The following DAAM1 variants were observed in gnomAD, a reference collection of about 807,000 sequenced individuals.
DAAM1 encodes disheveled-associated activator of morphogenesis 1.
DAAM1 carries 52 observed loss-of-function variants against 130.0 expected under a neutral mutation model. The ratio of observed to expected loss-of-function variants is 0.40; its 90% CI spans 0.32 to 0.50. The LOEUF is 0.50. Among genes scored for constraint, DAAM1 ranks in the 20% least tolerant of loss-of-function variants. The pLI is 0.61. For synonymous variants in DAAM1, 452 were observed against 444.5 expected (o/e 1.02, Z -0.21); for missense variants, 1,134 against 1,303.8 (o/e 0.87, Z 2.01).
intron 1 of DAAM1, among the ~76,000 whole-genome samples, chr14:59,213,843 G>T (rs1484224559): frequency 6.6e-6 from 1 of 152,172 alleles, no homozygotes; most frequent in Admixed American, 6.5e-5. Flanking sequence ...CTTCCCTGTT[G>T]TGTTTGTGAC....
At chr14:59,221,430 A>G (rs79059243) in intron 1 of DAAM1, among the ~76,000 whole-genome samples, 9,176 of 152,296 alleles carry the variant, frequency 0.06, 382 homozygotes, top group Non-Finnish European at 0.09. Context: ...CACAGATGGT[A>G]TCATAACTAG....
intron 1 of DAAM1, among the ~76,000 whole-genome samples, chr14:59,195,158 T>G (rs1887845795): frequency 6.7e-6 from 1 of 149,266 alleles, no homozygotes; most frequent in Non-Finnish European, 1.5e-5. Flanking sequence ...TTTTTTTTTT[T>G]TTTTTGAGAC....
intron 1 of DAAM1, among the ~76,000 whole-genome samples, chr14:59,191,960 T>G (rs1306779611): frequency 1.3e-5 from 2 of 152,220 alleles, no homozygotes; most frequent in East Asian, 3.8e-4. Context: ...TTGTAACATG[T>G]TACCATCCAG....
chr14:59,210,410 T>C (rs1414322065), intron 1 of DAAM1, among the ~76,000 whole-genome samples: 2 of 152,230 alleles, frequency 1.3e-5, no homozygotes, highest in Non-Finnish European at 2.9e-5. Flanking sequence ...CGAATTTATC[T>C]GTTTAAATCT....
intron 2 of DAAM1, among the ~76,000 whole-genome samples, chr14:59,288,256 A>G (rs1165159105): frequency 1.3e-5 from 2 of 152,188 alleles, no homozygotes; most frequent in African/African-American, 2.4e-5. Flanking sequence ...TCTTTCACAT[A>G]AGCAAAAATT....
At chr14:59,275,344 A>G (rs980736626) in intron 2 of DAAM1, among the ~76,000 whole-genome samples, 1 of 152,196 alleles carries the variant, frequency 6.6e-6, no homozygotes, top group Admixed American at 6.5e-5. Context: ...ACTAGGTTTA[A>G]TAGCTGGGTG....
At chr14:59,226,159 G>A (rs1473057471) in intron 1 of DAAM1, among the ~76,000 whole-genome samples, 1 of 152,080 alleles carries the variant, frequency 6.6e-6, no homozygotes, top group Non-Finnish European at 1.5e-5. Context: ...GCATTTGGTA[G>A]AATATCCCCT....
intron 23 of DAAM1, among the ~76,000 whole-genome samples, chr14:59,366,919 T>TA (rs377198440): frequency 0.39 from 56,587 of 144,076 alleles, 12,681 homozygotes; most frequent in East Asian, 0.84. Context: ...CCCCATCTAT[T>TA]AAAAAAAAAA....
Position 59,368,263 on chromosome 14 carries a change from C to T in DAAM1, c.2998-387C>T, listed in dbSNP as rs1349416038. 2.0e-5 allele frequency among the ~76,000 whole-genome samples: 3 copies of T among 151,948 alleles called. No homozygotes were observed. In the East Asian group the frequency reaches 5.8e-4, roughly 29 times the overall value. On this transcript the variant is annotated intron_variant, in intron 24 of 24. Coordinates refer to ENST00000360909, the MANE Select transcript of DAAM1 (RefSeq NM_001270520.2). ...GCTTCCACAGTAGACACAAGCTAAG[C>T]CTTTGATATAAGGAAAATGGCCTGA...
intron 2 of DAAM1, chr14:59,264,857 T>C (rs1444631822): frequency 2.0e-5 from 3 of 152,158 alleles, no homozygotes; most frequent in Non-Finnish European, 2.9e-5. Context: ...GTGTGTGTTG[T>C]TTCCCCCCAT....
intron 17 of DAAM1, among the ~76,000 whole-genome samples, chr14:59,352,317 C>G (rs1488781754): frequency 6.6e-6 from 1 of 152,104 alleles, no homozygotes; most frequent in Non-Finnish European, 1.5e-5. Context: ...CAGAAAGGTG[C>G]CAGGAATGAA....
In DAAM1 at chr14:59,330,577, G is replaced by A. The variant is rs776482940; in HGVS notation, c.1449G>A (p.Met483Ile). The change falls in exon 13 of 25, where the codon ATG becomes ATA. Residue 483 changes from methionine (M) to isoleucine (I), a missense_variant. Around this residue, in one of 3 missense-constraint regions of DAAM1, gnomAD observed 391 missense variants for 521.6 expected, o/e 0.75. Coordinates refer to ENST00000360909, the MANE Select transcript of DAAM1 (RefSeq NM_001270520.2). Reference protein sequence around the residue: ...CDAKTQEKEEMMQTLNKMKEK... With the variant: ...CDAKTQEKEEIMQTLNKMKEK... ...CTAAGACTCAAGAGAAGGAAGAGAT[G>A]ATGCAGACCTTAAATAAAATGAAAG... 6.2e-7 allele frequency: 1 copy of A among 1,614,004 alleles called. No homozygotes were observed. The highest frequency in any genetic ancestry group is 1.1e-5 in the South Asian group (1 of 91,054).
At chr14:59,358,416 GTTGC>G (rs1460100461) in intron 20 of DAAM1, among the ~76,000 whole-genome samples, 1 of 152,212 alleles carries the variant, frequency 6.6e-6, no homozygotes, top group Non-Finnish European at 1.5e-5. Context: ...GAGCTGAAGT[GTTGC>G]TAAATTAGGA....
intron 2 of DAAM1, among the ~76,000 whole-genome samples, chr14:59,266,807 G>T (rs779132794): frequency 2.6e-4 from 39 of 152,336 alleles, no homozygotes; most frequent in Non-Finnish European, 5.0e-4. Flanking sequence ...GCCACATGTG[G>T]TGGTGGACAG....
intron 16 of DAAM1, among the ~76,000 whole-genome samples, chr14:59,347,205 C>T (rs1232434950): frequency 3.3e-5 from 5 of 152,150 alleles, no homozygotes; most frequent in African/African-American, 9.7e-5. Context: ...TCTGTCCTCC[C>T]GCCTGCAGTT....
rs1218668899 is a variant in DAAM1, at chr14:59,370,098, A to ATATC, written c.*1240_*1243dup. On this transcript the variant is annotated 3_prime_UTR_variant, in exon 25 of 25. Coordinates refer to ENST00000360909, the MANE Select transcript of DAAM1 (RefSeq NM_001270520.2). The stretch of plus-strand genomic sequence containing the variant: ...CTTACCATTAACCTACCAACTCTTA[A>ATATC]TATCCTTAAATTATGTGATATATAA... 3 of 150,360 alleles carry ATATC rather than the reference A, an allele frequency of 2.0e-5. No homozygotes were observed. The highest frequency in any genetic ancestry group is 4.4e-5 in the Non-Finnish European group (3 of 67,676). The allele number at this position is 150,360 out of a possible 1,614,324, so 9.3% of individuals were successfully genotyped here.
rs758654559 is a variant in DAAM1, at chr14:59,352,615, C to T, written c.2250C>T (p.Phe750=). ...ELDRMAKADR[F]LFEMSRINHY... is the part of the protein sequence containing the mutation. ...ATCGGATGGCCAAGGCTGATAGGTTCCTTTTTGAGATGAGCCGGTGAGTTT... is the reference window on the plus strand; with the variant it reads ...ATCGGATGGCCAAGGCTGATAGGTTTCTTTTTGAGATGAGCCGGTGAGTTT... Residue 750 remains phenylalanine (F), a synonymous_variant, in exon 18 of 25, where the codon TTC becomes TTT. Coordinates refer to ENST00000360909, the MANE Select transcript of DAAM1 (RefSeq NM_001270520.2). 1.2e-6 allele frequency: 2 copies of T among 1,612,844 alleles called. No individual in the cohort carries two copies. The highest frequency in any genetic ancestry group is 1.1e-5 in the South Asian group (1 of 90,660).
intron 2 of DAAM1, among the ~76,000 whole-genome samples, chr14:59,289,018 C>T (rs926207027): frequency 1.3e-5 from 2 of 152,112 alleles, no homozygotes; most frequent in African/African-American, 2.4e-5. Flanking sequence ...CAGGTTCAAG[C>T]GATTCTCCTT....
intron 21 of DAAM1, chr14:59,360,549 A>G: frequency 3.3e-6 from 1 of 300,460 alleles, no homozygotes; most frequent in Non-Finnish European, 6.0e-6. Context: ...TTTTGTACAG[A>G]TGGAAGATAT....
Sources: allele counts gnomAD v4.1 joint callset (sites outside exome capture counted in the v4.1 genomes callset), GRCh38; gene constraint gnomAD v4.1.1; regional missense constraint gnomAD v4.1.1; transcripts MANE v1.5; gene names NCBI Gene and HGNC (gene_info 2026-07-23, HGNC 2026-07-21).